SETBP1: variants seen among roughly 807,000 people sequenced by gnomAD.
The protein encoded by SETBP1 is SET binding protein 1, also known as SET-binding protein.
SETBP1 carries 9 observed loss-of-function variants against 101.0 expected under a neutral mutation model. That is an observed-to-expected ratio of 0.09 (90% confidence interval 0.05 to 0.16). The LOEUF is 0.16. Ranked by LOEUF, SETBP1 falls within the 10% of genes least tolerant of loss-of-function variation. SETBP1 has a pLI of 1.00. For missense variants in SETBP1, 1,858 were observed against 2,033.8 expected, an observed-to-expected ratio of 0.91 and a Z score of 1.66; for synonymous variants, 818 against 788.5, an observed-to-expected ratio of 1.04 and a Z score of -0.63.
At chr18:44,706,746 C>T (rs1484912040) in intron 2 of SETBP1, among the ~76,000 whole-genome samples, 2 of 151,688 alleles carry the variant, frequency 1.3e-5, no homozygotes, top group Non-Finnish European at 1.5e-5. Context: ...AAGATAAGGG[C>T]ATGGGAGTTC....
rs71177656 is a variant in SETBP1, at chr18:44,806,623, CTTTTTTTTTTTTTTTTTTTTTTTTTTTT to C, written c.487-62593_487-62566del. Among the ~76,000 whole-genome samples, 147 of 27,838 alleles carry C rather than the reference CTTTTTTTTTTTTTTTTTTTTTTTTTTTT, an allele frequency of 5.3e-3. 1 individual carries two copies. Among genetic ancestry groups the C allele is most frequent in the African/African-American group, 0.016 (135 of 8,440 alleles). The allele number at this position is 27,838 out of a possible 152,430, so 18.3% of individuals were successfully genotyped here. On this transcript the variant is annotated intron_variant, in intron 2 of 5. Coordinates refer to ENST00000649279, the MANE Select transcript of SETBP1 (RefSeq NM_015559.3). The stretch of plus-strand genomic sequence containing the variant: ...GTAGACTTTGGCTCATAATGAGCTC[CTTTTTTTTTTTTTTTTTTTTTTTTTTTT>C]TTTTTTTTTTTTTGGCAATGGTGCT...
intron 4 of SETBP1, among the ~76,000 whole-genome samples, chr18:45,000,808 A>ACACG (rs1375063064): frequency 1.3e-5 from 2 of 151,548 alleles, no homozygotes; most frequent in Admixed American, 6.6e-5. Flanking sequence ...ACACACACAC[A>ACACG]CACACACACA....
intron 5 of SETBP1, among the ~76,000 whole-genome samples, chr18:45,041,799 A>G (rs949447769): frequency 6.6e-6 from 1 of 152,018 alleles, no homozygotes; most frequent in African/African-American, 2.4e-5. Flanking sequence ...TCTACTAAAA[A>G]TACAAAAATT....
At chr18:44,954,259 C>T (rs1475640909) in intron 4 of SETBP1, among the ~76,000 whole-genome samples, 2 of 150,130 alleles carry the variant, frequency 1.3e-5, no homozygotes, top group African/African-American at 5.0e-5. Context: ...ATGATAAGAC[C>T]CCTATAAAGA....
At chr18:44,762,978 T>C (rs1278596153) in intron 2 of SETBP1, among the ~76,000 whole-genome samples, 5 of 152,234 alleles carry the variant, frequency 3.3e-5, no homozygotes, top group African/African-American at 7.2e-5. Flanking sequence ...TTAGTGCCTG[T>C]CATCCAAAAG....
chr18:44,847,735 T>C (rs2072752793), intron 2 of SETBP1, among the ~76,000 whole-genome samples: 1 of 152,026 alleles, frequency 6.6e-6, no homozygotes, highest in Admixed American at 6.6e-5. Flanking sequence ...TACACAATAA[T>C]TGAGTAACAA....
chr18:44,969,206 G>T (rs1044239681), intron 4 of SETBP1, among the ~76,000 whole-genome samples: 1 of 152,084 alleles, frequency 6.6e-6, no homozygotes, highest in Non-Finnish European at 1.5e-5. Flanking sequence ...ACATTCCTTT[G>T]GTTTCAAGGC....
At chr18:44,949,223 A>G (rs552388818) in intron 3 of SETBP1, among the ~76,000 whole-genome samples, 4 of 152,050 alleles carry the variant, frequency 2.6e-5, no homozygotes, top group Non-Finnish European at 5.9e-5. Flanking sequence ...ACTTTTTCCC[A>G]TGCAGGCTTC....
intron 3 of SETBP1, among the ~76,000 whole-genome samples, chr18:44,922,271 T>C (rs1156869170): frequency 4.6e-5 from 7 of 152,206 alleles, no homozygotes; most frequent in East Asian, 1.9e-4. Context: ...ATTTTATATA[T>C]AGGCAAATAG....
At position 45,032,929 on chromosome 18, in the gene SETBP1, T is replaced by G. The variant is rs2073326389; in HGVS notation, c.4001-5556T>G. 5.3e-5 allele frequency among the ~76,000 whole-genome samples: 8 copies of G among 152,166 alleles called. No individual in the cohort carries two copies. The South Asian group carries it at 1.7e-3, about 31-fold the overall frequency. ...AGCTACCCTTATGCTACAGAAAAATTATTAGAATGTAAATCTTGGGGAAAA... is the reference window on the plus strand; with the variant it reads ...AGCTACCCTTATGCTACAGAAAAATGATTAGAATGTAAATCTTGGGGAAAA... On this transcript the variant is annotated intron_variant, in intron 4 of 5. Transcript: ENST00000649279.
At chr18:44,846,098 T>G (rs180863172) in intron 2 of SETBP1, among the ~76,000 whole-genome samples, 199 of 152,320 alleles carry the variant, frequency 1.3e-3, no homozygotes, top group African/African-American at 4.1e-3. Flanking sequence ...GGCTCAATCC[T>G]TAATGGGCTG....
chr18:44,809,528 C>G (rs2071815001), intron 2 of SETBP1, among the ~76,000 whole-genome samples: 1 of 152,092 alleles, frequency 6.6e-6, no homozygotes, highest in African/African-American at 2.4e-5. Context: ...TATGGGGAAC[C>G]AGGCCATAAA....
intron 5 of SETBP1, among the ~76,000 whole-genome samples, chr18:45,038,932 A>G (rs2073455081): frequency 6.6e-6 from 1 of 152,194 alleles, no homozygotes; most frequent in Admixed American, 6.5e-5. Flanking sequence ...TAACATTATT[A>G]ATCACTCTTT....
intron 4 of SETBP1, among the ~76,000 whole-genome samples, chr18:44,973,114 T>C (rs1360578858): frequency 4.6e-5 from 7 of 152,248 alleles, no homozygotes; most frequent in Admixed American, 4.6e-4. Context: ...CAAAGGCCTT[T>C]TCTGCATCTA....
Position 44,957,901 on chromosome 18 carries a change from T to C in SETBP1, c.4000+4561T>C, listed in dbSNP as rs146740815. Among the ~76,000 whole-genome samples, 254 of 152,306 alleles carry C rather than the reference T, an allele frequency of 1.7e-3. 1 individual carries two copies. The highest frequency in any genetic ancestry group is 0.012 in the East Asian group (62 of 5,186). Reference sequence around the variant, plus strand: ...TAAAACCTGGGAAGCTGATGAAATATAATCTTTTTAACCTTATTCCAAGTC... The same window carrying C: ...TAAAACCTGGGAAGCTGATGAAATACAATCTTTTTAACCTTATTCCAAGTC... On this transcript the variant is annotated intron_variant, in intron 4 of 5. Transcript: ENST00000649279.
intron 4 of SETBP1, among the ~76,000 whole-genome samples, chr18:45,037,693 T>A (rs771707155): frequency 8.2e-4 from 125 of 152,228 alleles, no homozygotes; most frequent in Non-Finnish European, 3.8e-4. Context: ...AATTTCTAGT[T>A]CCTTACAGGG....
At chr18:44,761,130 T>A (rs1250786736) in intron 2 of SETBP1, among the ~76,000 whole-genome samples, 1 of 152,228 alleles carries the variant, frequency 6.6e-6, no homozygotes, top group Admixed American at 6.5e-5. Context: ...TATTTATTTT[T>A]AAAAAATTTA....
Position 45,031,245 on chromosome 18 carries a change from G to A in SETBP1, c.4001-7240G>A, listed in dbSNP as rs183003371. ...ATTGTGACCATCTAGATAATTAAGA[G>A]TACTTGTTCTATCTTAAGGTCAGCT... is the stretch of plus-strand genomic sequence containing the variant. On this transcript the variant is annotated intron_variant, in intron 4 of 5. Transcript: ENST00000649279. Among the ~76,000 whole-genome samples, 8 of 152,204 alleles carry A rather than the reference G, an allele frequency of 5.3e-5. No individual in the cohort carries two copies. In the East Asian group the frequency reaches 5.8e-4, roughly 11 times the overall value.
intron 2 of SETBP1, among the ~76,000 whole-genome samples, chr18:44,779,943 C>T (rs2071089878): frequency 6.6e-6 from 1 of 151,904 alleles, no homozygotes; most frequent in Non-Finnish European, 1.5e-5. Context: ...CGCACACACA[C>T]ACGCACGCAC....
Sources: allele counts gnomAD v4.1 joint callset (sites outside exome capture counted in the v4.1 genomes callset), GRCh38; gene constraint gnomAD v4.1.1; transcripts MANE v1.5; gene names NCBI Gene and HGNC (gene_info 2026-07-23, HGNC 2026-07-21).